The following ARL15 variants were observed in gnomAD, a reference collection of about 807,000 sequenced individuals.
The protein encoded by ARL15 is ARF like GTPase 15, also known as ADP-ribosylation factor-like protein 15.
Under a neutral mutation model 25.2 loss-of-function variants are expected in ARL15, and 19 were observed. The ratio of observed to expected loss-of-function variants is 0.75; its 90% confidence interval spans 0.53 to 1.10. The LOEUF (loss-of-function observed/expected upper bound fraction) is 1.10, where lower values mean the gene tolerates loss of function less well. Among genes scored for constraint, ARL15 ranks in the 50% least tolerant of loss-of-function variants. The pLI, the probability that ARL15 is intolerant of heterozygous loss-of-function variation, is 0.00. For missense variants in ARL15, 220 were observed against 246.0 expected (o/e 0.89, Z 0.71); for synonymous variants, 94 against 86.8 (o/e 1.08, Z -0.46).
chr5:54,151,947 C>T (rs1754081561), intron 3 of ARL15, among the ~76,000 whole-genome samples: 1 of 152,102 alleles, frequency 6.6e-6, no homozygotes, highest in Non-Finnish European at 1.5e-5. Context: ...AGGGGCCATG[C>T]TGTTCTCCTG....
At chr5:53,909,277 A>G (rs1054077430) in intron 4 of ARL15, among the ~76,000 whole-genome samples, 1 of 152,260 alleles carries the variant, frequency 6.6e-6, no homozygotes, top group African/African-American at 2.4e-5. Context: ...CATCAAACTG[A>G]TAACACTGGA....
At chr5:54,096,735 A>C (rs914892695) in intron 4 of ARL15, among the ~76,000 whole-genome samples, 2 of 152,152 alleles carry the variant, frequency 1.3e-5, no homozygotes, top group Non-Finnish European at 2.9e-5. Context: ...AAAAACACAG[A>C]AGTATGCTTA....
At chr5:54,132,378 A>G (rs1403705533) in intron 3 of ARL15, among the ~76,000 whole-genome samples, 3 of 152,144 alleles carry the variant, frequency 2.0e-5, no homozygotes, top group African/African-American at 7.2e-5. Context: ...CTACCAGTCA[A>G]AATCTCAAGG....
intron 4 of ARL15, among the ~76,000 whole-genome samples, chr5:53,913,744 G>A (rs1007293043): frequency 6.6e-6 from 1 of 152,086 alleles, no homozygotes; most frequent in Admixed American, 6.5e-5. Flanking sequence ...ATTTCTATCT[G>A]TGCTTAAGAC....
intron 4 of ARL15, among the ~76,000 whole-genome samples, chr5:54,052,855 T>C (rs956584495): frequency 1.3e-5 from 2 of 152,210 alleles, no homozygotes; most frequent in East Asian, 3.9e-4. Flanking sequence ...CTGATTCCAT[T>C]TTCCAATGAC....
intron 4 of ARL15, among the ~76,000 whole-genome samples, chr5:53,959,392 G>C (rs1211028209): frequency 6.6e-6 from 1 of 152,102 alleles, no homozygotes. Context: ...AGGCAATAGA[G>C]ACACAATAGA....
At chr5:53,989,479 G>A (rs1748410439) in intron 4 of ARL15, among the ~76,000 whole-genome samples, 1 of 152,126 alleles carries the variant, frequency 6.6e-6, no homozygotes. Flanking sequence ...TAATCACCCT[G>A]AGCATGAGAT....
intron 4 of ARL15, among the ~76,000 whole-genome samples, chr5:53,944,298 T>C (rs1157076012): frequency 6.6e-6 from 1 of 151,916 alleles, no homozygotes; most frequent in Non-Finnish European, 1.5e-5. Flanking sequence ...TTGGAATATA[T>C]GAGAAAAGGG....
At chr5:54,261,587 TTTTA>T (rs1757498715) in intron 1 of ARL15, among the ~76,000 whole-genome samples, 1 of 151,334 alleles carries the variant, frequency 6.6e-6, no homozygotes, top group Middle Eastern at 3.5e-3. Context: ...GAAGTCTGGG[TTTTA>T]TTATTACAAT....
At chr5:53,914,024 T>C (rs1745547990) in intron 4 of ARL15, among the ~76,000 whole-genome samples, 2 of 152,148 alleles carry the variant, frequency 1.3e-5, no homozygotes, top group Admixed American at 1.3e-4. Context: ...ACTTTTCTTC[T>C]TCCTCCTTAT....
chr5:54,124,837 G>A (rs766768959), intron 3 of ARL15, among the ~76,000 whole-genome samples: 103 of 152,220 alleles, frequency 6.8e-4, no homozygotes, highest in Admixed American at 1.2e-3. Flanking sequence ...AATGTTACAT[G>A]GTGAAGGCTA....
At chr5:54,240,397 T>G (rs1176877667) in intron 1 of ARL15, among the ~76,000 whole-genome samples, 1 of 151,728 alleles carries the variant, frequency 6.6e-6, no homozygotes, top group Non-Finnish European at 1.5e-5. Context: ...GCAGGTAGAG[T>G]GGGGACACTT....
chr5:54,197,731 G>T (rs1755592706), intron 1 of ARL15, among the ~76,000 whole-genome samples: 1 of 152,072 alleles, frequency 6.6e-6, no homozygotes. Context: ...GGAGGAGCTG[G>T]TACCATTCCT....
chr5:54,087,133 A>G (rs1451805066), intron 4 of ARL15, among the ~76,000 whole-genome samples: 2 of 152,108 alleles, frequency 1.3e-5, no homozygotes, highest in African/African-American at 2.4e-5. Context: ...TCAGGGGATC[A>G]AGACCATCCT....
chr5:54,115,638 C>T (rs1752877218), intron 3 of ARL15, among the ~76,000 whole-genome samples: 1 of 152,084 alleles, frequency 6.6e-6, no homozygotes, highest in Non-Finnish European at 1.5e-5. Context: ...TCTGTGATTT[C>T]ACCATTATAC....
intron 4 of ARL15, among the ~76,000 whole-genome samples, chr5:53,995,773 G>C (rs980966907): frequency 2.0e-5 from 3 of 152,094 alleles, no homozygotes; most frequent in Admixed American, 6.5e-5. Context: ...CCCACAAAAT[G>C]CTAGCAGTGA....
intron 1 of ARL15, among the ~76,000 whole-genome samples, chr5:54,173,243 G>A (rs1289190420): frequency 6.6e-6 from 1 of 151,882 alleles, no homozygotes; most frequent in Non-Finnish European, 1.5e-5. Flanking sequence ...GGATTTGGGA[G>A]ACAGGGTATC....
At chr5:54,218,596 C>T (rs973699318) in intron 1 of ARL15, among the ~76,000 whole-genome samples, 9 of 152,094 alleles carry the variant, frequency 5.9e-5, no homozygotes, top group African/African-American at 1.9e-4. Flanking sequence ...TGGATTCCCG[C>T]GGTAGCATAA....
At chr5:54,240,009 C>T (rs1321292806) in intron 1 of ARL15, among the ~76,000 whole-genome samples, 2 of 152,028 alleles carry the variant, frequency 1.3e-5, no homozygotes, top group Non-Finnish European at 2.9e-5. Context: ...AGGCGGATCA[C>T]GAGGTCAGGA....
Sources: gnomAD v4.1 joint callset for allele counts (sites outside exome capture counted in the v4.1 genomes callset) on GRCh38, gnomAD v4.1.1 for gene constraint, MANE v1.5 for transcripts, NCBI Gene and HGNC (gene_info 2026-07-23, HGNC 2026-07-21) for gene names.